The following SVOP variants were observed in gnomAD, a reference collection of about 807,000 sequenced individuals.
SVOP encodes the protein synaptic vesicle 2-related protein.
Under a neutral mutation model 69.1 loss-of-function variants are expected in SVOP, and 17 were observed. The ratio of observed to expected loss-of-function variants is 0.25; its 90% CI spans 0.17 to 0.37. The LOEUF (loss-of-function observed/expected upper bound fraction) is 0.37, where lower values mean the gene tolerates loss of function less well. Ranked by LOEUF, SVOP falls within the 10% of genes least tolerant of loss-of-function variation. SVOP has a pLI of 1.00. For missense variants in SVOP, 435 were observed against 597.5 expected (o/e 0.73, Z 2.84); for synonymous variants, 238 against 238.6 (o/e 1.00, Z 0.02).
At chr12:108,997,367 G>A (rs1350101734) in intron 1 of SVOP, among the ~76,000 whole-genome samples, 3 of 150,570 alleles carry the variant, frequency 2.0e-5, no homozygotes, top group African/African-American at 7.3e-5. Context: ...ACTGCAAGGC[G>A]GCAGCGAGGC....
rs189505040 is a variant in SVOP, at chr12:108,915,090, T to C, written c.1440+693A>G. Among the ~76,000 whole-genome samples the C allele has an allele frequency of 4.8e-3, 723 of 150,734 alleles. 3 individuals are homozygous for C. The highest frequency in any genetic ancestry group is 0.017 in the African/African-American group (694 of 40,824). On this transcript the variant is annotated intron_variant, in intron 15 of 15. Transcript: ENST00000610966. ...CGGGAGGCTGAGGCAGGAGAATCGC[T>C]TGAACCTGGGAGGCGGAGGTCACAG...
At chr12:108,925,068 GC>G (rs2039772205) in intron 11 of SVOP, among the ~76,000 whole-genome samples, 1 of 151,816 alleles carries the variant, frequency 6.6e-6, no homozygotes, top group Non-Finnish European at 1.5e-5. Flanking sequence ...CACCTGTAAG[GC>G]CCCCTGATCC....
At chr12:108,965,005 A>C (rs2040037141) in intron 5 of SVOP, among the ~76,000 whole-genome samples, 1 of 152,140 alleles carries the variant, frequency 6.6e-6, no homozygotes, top group Non-Finnish European at 1.5e-5. Context: ...TGTTGAACAC[A>C]TGCTGTGTAG....
At chr12:108,916,341 C>A (rs866990442) in intron 14 of SVOP, among the ~76,000 whole-genome samples, 14 of 152,132 alleles carry the variant, frequency 9.2e-5, no homozygotes, top group African/African-American at 3.4e-4. Flanking sequence ...ATCTTCCAGC[C>A]CAAGGTAATT....
rs1387979725 is a variant in SVOP, at chr12:108,940,836, C to G, written c.716G>C (p.Trp239Ser). 1.3e-6 allele frequency: 2 copies of G among 1,537,072 alleles called. No homozygotes were observed. Among genetic ancestry groups the G allele is most frequent in the Non-Finnish European group, 1.7e-6 (2 of 1,146,906 alleles). The stretch of plus-strand genomic sequence containing the variant: ...CGGGACAGCTGAGAGGATGAGCAGC[C>G]AACGCCAGCCCAGGCTGGGCATCAC... ...VFVMPSLGWR[W>S]LLILSAVPLL... Residue 239 changes from tryptophan (W) to serine (S), a missense_variant, in exon 8 of 16, where the codon TGG (tryptophan) becomes TCG (serine). By Grantham distance (177) the Trp-to-Ser change is radical. Coordinates refer to ENST00000610966, the MANE Select transcript of SVOP (RefSeq NM_018711.5).
In SVOP at chr12:108,952,845, C is replaced by T. The variant is rs151156455; in HGVS notation, c.579-7679G>A. ...CTGTACTCCAGCCTTGGCAACAGAGCGAAATCCGGTTTCAAAAATAATAAT... is the reference window on the plus strand; with the variant it reads ...CTGTACTCCAGCCTTGGCAACAGAGTGAAATCCGGTTTCAAAAATAATAAT... On this transcript the variant is annotated intron_variant, in intron 6 of 15. Transcript: ENST00000610966. Among the ~76,000 whole-genome samples the T allele has an allele frequency of 5.8e-3, 878 of 152,120 alleles. 11 individuals are homozygous for T. The highest frequency in any genetic ancestry group is 0.02 in the African/African-American group (830 of 41,522).
chr12:108,942,422 A>G (rs1387165836), intron 7 of SVOP, among the ~76,000 whole-genome samples: 1 of 152,194 alleles, frequency 6.6e-6, no homozygotes, highest in Non-Finnish European at 1.5e-5. Flanking sequence ...AATATCTTCA[A>G]TTTGCCTGTC....
Position 108,915,857 on chromosome 12 carries a change from T to C in SVOP, c.1366A>G (p.Thr456Ala), listed in dbSNP as rs758776392. The C allele has an allele frequency of 6.2e-7, 1 of 1,607,174 alleles. No individual in the cohort carries two copies. The highest frequency in any genetic ancestry group is 8.5e-7 in the Non-Finnish European group (1 of 1,177,140). ...VYTPEVYPTA[T>A]RALGLGTCSG... is the part of the protein sequence containing the mutation. ...CAGGTGCCCAGGCCGAGGGCCCGCG[T>C]TGCCGTGGGGTAGACCTGAAACACA... Residue 456 changes from threonine (T) to alanine (A), a missense_variant, in exon 15 of 16, where the codon ACG becomes GCG. Thr to Ala is a moderately conservative substitution (Grantham distance 58). Transcript: ENST00000610966.
intron 6 of SVOP, among the ~76,000 whole-genome samples, chr12:108,948,560 A>G (rs555239470): frequency 9.0e-4 from 137 of 152,368 alleles, no homozygotes; most frequent in African/African-American, 3.1e-3. Context: ...CATGCAGCCC[A>G]TGAATCACTT....
intron 11 of SVOP, among the ~76,000 whole-genome samples, chr12:108,930,255 C>T (rs893461907): frequency 6.6e-6 from 1 of 152,054 alleles, no homozygotes; most frequent in Non-Finnish European, 1.5e-5. Flanking sequence ...AACAGTAAAT[C>T]GTGAATCAGG....
intron 11 of SVOP, among the ~76,000 whole-genome samples, chr12:108,932,881 T>C (rs1276554517): frequency 1.3e-5 from 2 of 151,200 alleles, no homozygotes; most frequent in African/African-American, 2.4e-5. Flanking sequence ...AATATAATTC[T>C]TTTTTTTTCG....
intron 6 of SVOP, among the ~76,000 whole-genome samples, chr12:108,957,694 C>A (rs548321188): frequency 6.6e-6 from 1 of 152,204 alleles, no homozygotes; most frequent in East Asian, 1.9e-4. Context: ...AATGGACAAG[C>A]GCAGCAGCTA....
chr12:108,945,017 T>G (rs902614115), intron 7 of SVOP, 86 bp downstream of exon 7: 29 of 1,288,856 alleles, frequency 2.3e-5, no homozygotes, highest in Non-Finnish European at 3.1e-5. Context: ...TTAAACTCCC[T>G]TTTCCTTGAC....
chr12:108,950,245 CTTT>C (rs36197540), intron 6 of SVOP, among the ~76,000 whole-genome samples: 1 of 140,834 alleles, frequency 7.1e-6, no homozygotes, highest in African/African-American at 2.6e-5. Flanking sequence ...CTTTTTCTTT[CTTT>C]TTTTTTTTTT....
At chr12:108,920,106 C>A (rs1223933940) in intron 12 of SVOP, among the ~76,000 whole-genome samples, 1 of 152,216 alleles carries the variant, frequency 6.6e-6, no homozygotes, top group Non-Finnish European at 1.5e-5. Flanking sequence ...AGTGCAAAAA[C>A]CTTCAAGGAA....
intron 11 of SVOP, among the ~76,000 whole-genome samples, chr12:108,928,460 A>C (rs11114102): frequency 0.066 from 10,010 of 152,146 alleles, 825 homozygotes; most frequent in Admixed American, 0.25. Flanking sequence ...GGCATTTTGA[A>C]TATTTTAAGT....
rs1424660555 is a variant in SVOP, at chr12:108,908,541, T to G, written c.*3994A>C. 2.0e-5 allele frequency: 3 copies of G among 152,172 alleles called. No homozygotes were observed. Among genetic ancestry groups the G allele is most frequent in the East Asian group, 1.9e-4 (1 of 5,198 alleles). 9.4% of individuals were successfully genotyped at this position (152,172 alleles called of 1,614,324 possible). On this transcript the variant is annotated 3_prime_UTR_variant, in exon 16 of 16. Coordinates refer to ENST00000610966, the MANE Select transcript of SVOP (RefSeq NM_018711.5). ...CTGGAAGGGAGTTGCAGCCCCCCCC[T>G]GCAGACAGGGCTGGTGTTTCTCTTG...
Position 108,983,583 on chromosome 12 carries a change from A to G in SVOP, c.196+18T>C. On this transcript the variant is annotated intron_variant, in intron 2 of 15. Coordinates refer to ENST00000610966, the MANE Select transcript of SVOP (RefSeq NM_018711.5). ...GACCGTGGCCCAGGCTGATTCCCCA[A>G]CTGCAGGGCCCTCTCACCATCAGTG... 2.5e-6 allele frequency: 1 copy of G among 398,694 alleles called. No homozygotes were observed. Among genetic ancestry groups the G allele is most frequent in the Non-Finnish European group, 4.4e-6 (1 of 226,160 alleles). The allele number at this position is 398,694 out of a possible 1,614,324, so 24.7% of individuals were successfully genotyped here.
At chr12:108,938,496 G>A (rs768291649) in intron 9 of SVOP, among the ~76,000 whole-genome samples, 12 of 152,198 alleles carry the variant, frequency 7.9e-5, no homozygotes, top group South Asian at 2.1e-4. Flanking sequence ...AGTCTCATTC[G>A]CTAGTCAGAC....
Sources: gnomAD v4.1 joint callset for allele counts (sites outside exome capture counted in the v4.1 genomes callset) on GRCh38, gnomAD v4.1.1 for gene constraint, MANE v1.5 for transcripts, NCBI Gene and HGNC (gene_info 2026-07-23, HGNC 2026-07-21) for gene names.